RBFOX1: variants seen among roughly 807,000 people sequenced by gnomAD.
RBFOX1 encodes the protein RNA binding fox-1 homolog 1, also known as RNA binding protein fox-1 homolog 1.
RBFOX1 carries 8 observed loss-of-function variants against 57.7 expected under a neutral mutation model. The ratio of observed to expected loss-of-function variants is 0.14; its 90% CI spans 0.08 to 0.25. The LOEUF is 0.25. Ranked by LOEUF, RBFOX1 falls within the 10% of genes least tolerant of loss-of-function variation. The probability of loss-of-function intolerance (pLI) is 1.00; values close to 1 mark genes in which losing one functional copy is unlikely to be tolerated. For missense variants in RBFOX1, 611 were observed against 548.5 expected (o/e 1.11, Z -1.14); for synonymous variants, 326 against 222.4 (o/e 1.47, Z -4.15).
At chr16:7,456,218 A>C (rs13339655) in intron 4 of RBFOX1, among the ~76,000 whole-genome samples, 58,260 of 152,018 alleles carry the variant, frequency 0.38, 11,671 homozygotes, top group Non-Finnish European at 0.45. Flanking sequence ...TCCCTTTAAC[A>C]GTTCCTCCAC....
At chr16:6,361,550 C>A (rs1299448926) in intron 2 of RBFOX1, among the ~76,000 whole-genome samples, 1 of 151,622 alleles carries the variant, frequency 6.6e-6, no homozygotes, top group East Asian at 1.9e-4. Context: ...ATCGCTTGAA[C>A]CCAGGAGGCG....
chr16:5,696,194 G>A (rs2050837215), intron 3 of RBFOX1, among the ~76,000 whole-genome samples: 1 of 152,142 alleles, frequency 6.6e-6, no homozygotes, highest in South Asian at 2.1e-4. Flanking sequence ...ATCCATGAAA[G>A]AGCTGATGCC....
chr16:7,225,216 G>C (rs946847491), intron 4 of RBFOX1, among the ~76,000 whole-genome samples: 1 of 152,066 alleles, frequency 6.6e-6, no homozygotes. Context: ...TCCTTTCCAT[G>C]GGTGATATGG....
chr16:6,059,149 A>T (rs968064851), intron 1 of RBFOX1: 2 of 152,248 alleles, frequency 1.3e-5, no homozygotes. Context: ...AAGGTAGAAG[A>T]GGTGAATAAT....
At chr16:5,918,785 G>A (rs193113891) in intron 4 of RBFOX1, among the ~76,000 whole-genome samples, 66 of 152,354 alleles carry the variant, frequency 4.3e-4, no homozygotes, top group Non-Finnish European at 1.0e-4. Context: ...AGGGAGGAGC[G>A]ACTAAGGTGC....
intron 4 of RBFOX1, among the ~76,000 whole-genome samples, chr16:7,507,547 T>A (rs1028248298): frequency 8.6e-6 from 1 of 115,970 alleles, no homozygotes; most frequent in African/African-American, 2.8e-5. Flanking sequence ...TGGAACGTGA[T>A]TTTTTTTTTC....
chr16:7,618,316 A>G (rs1454078342), intron 10 of RBFOX1, among the ~76,000 whole-genome samples: 2 of 152,188 alleles, frequency 1.3e-5, no homozygotes, highest in South Asian at 4.1e-4. Context: ...TAACAGTCTT[A>G]TAATTAAGAC....
At chr16:6,418,792 A>G (rs2093696764) in intron 2 of RBFOX1, among the ~76,000 whole-genome samples, 1 of 151,948 alleles carries the variant, frequency 6.6e-6, no homozygotes, top group Non-Finnish European at 1.5e-5. Flanking sequence ...GCCTCCCAAT[A>G]TGCTGGGATT....
At chr16:5,928,518 A>G (rs931534718) in intron 4 of RBFOX1, among the ~76,000 whole-genome samples, 1 of 152,160 alleles carries the variant, frequency 6.6e-6, no homozygotes, top group Non-Finnish European at 1.5e-5. Context: ...CCATAAACAT[A>G]TACAATTATT....
At chr16:6,266,754 T>G (rs1479252683) in intron 1 of RBFOX1, among the ~76,000 whole-genome samples, 1 of 151,936 alleles carries the variant, frequency 6.6e-6, no homozygotes, top group African/African-American at 2.4e-5. Context: ...ATCTATTTAA[T>G]AACAGAATCC....
At chr16:7,051,322 A>C (rs1029360460) in intron 3 of RBFOX1, among the ~76,000 whole-genome samples, 5 of 152,174 alleles carry the variant, frequency 3.3e-5, no homozygotes, top group African/African-American at 1.2e-4. Context: ...CCATCCCCTT[A>C]ACCCACCTAT....
intron 2 of RBFOX1, among the ~76,000 whole-genome samples, chr16:6,444,138 T>A (rs1305120332): frequency 1.3e-5 from 2 of 152,160 alleles, no homozygotes; most frequent in East Asian, 3.8e-4. Flanking sequence ...GCTGTCCTGT[T>A]GTGAACCACG....
chr16:5,850,245 G>C (rs770369319), intron 3 of RBFOX1, among the ~76,000 whole-genome samples: 13 of 152,172 alleles, frequency 8.5e-5, no homozygotes, highest in Non-Finnish European at 1.9e-4. Context: ...GGAGAAAAGT[G>C]AGTGAGTCTG....
In RBFOX1 at chr16:6,259,927, C is replaced by CTCTA. The variant is rs540280240; in HGVS notation, c.-126-57067_-126-57064dup. On this transcript the variant is annotated intron_variant, in intron 1 of 15. Transcript: ENST00000550418. ...TGTGAGCTGAGATCGTGCCACTGAA[C>CTCTA]TCTAGTCTTGGTGACAGAGTGAGAC... 6.4e-4 allele frequency among the ~76,000 whole-genome samples: 95 copies of CTCTA among 148,846 alleles called. 1 individual carries two copies. In the Middle Eastern group the frequency reaches 0.01, roughly 16 times the overall value.
intron 3 of RBFOX1, among the ~76,000 whole-genome samples, chr16:6,670,995 A>G (rs940562324): frequency 1.3e-5 from 2 of 152,262 alleles, no homozygotes; most frequent in Non-Finnish European, 1.5e-5. Flanking sequence ...GCGAGACTCC[A>G]TCTCAAAAAA....
chr16:6,720,468 T>G (rs978502313), intron 3 of RBFOX1, among the ~76,000 whole-genome samples: 10 of 152,128 alleles, frequency 6.6e-5, no homozygotes, highest in Non-Finnish European at 1.2e-4. Flanking sequence ...AAGAATGGAC[T>G]CATACACGAC....
intron 1 of RBFOX1, among the ~76,000 whole-genome samples, chr16:5,425,073 CTAT>C (rs2067509836): frequency 4.4e-5 from 1 of 22,540 alleles, no homozygotes; most frequent in Non-Finnish European, 1.3e-4. Context: ...TCTTATCTAT[CTAT>C]CTATCTATCT....
intron 2 of RBFOX1, among the ~76,000 whole-genome samples, chr16:6,422,206 G>C (rs1005724429): frequency 6.7e-6 from 1 of 149,706 alleles, no homozygotes; most frequent in Non-Finnish European, 1.5e-5. Context: ...ACAAGTGTGA[G>C]CCACCACGCC....
intron 2 of RBFOX1, among the ~76,000 whole-genome samples, chr16:6,445,151 A>C (rs964601907): frequency 6.6e-6 from 1 of 152,148 alleles, no homozygotes; most frequent in African/African-American, 2.4e-5. Context: ...GGGAGGATGC[A>C]AGTGGATCAG....
Sources: allele counts gnomAD v4.1 joint callset (sites outside exome capture counted in the v4.1 genomes callset), GRCh38; gene constraint gnomAD v4.1.1; transcripts MANE v1.5; gene names NCBI Gene and HGNC (gene_info 2026-07-23, HGNC 2026-07-21).